Variants in COL21A1 observed in about 807,000 individuals in gnomAD.
COL21A1 encodes the protein collagen type XXI alpha 1 chain.
Under a neutral mutation model 137.9 loss-of-function variants are expected in COL21A1, and 149 were observed. The observed-to-expected ratio is 1.08, with a 90% confidence interval of 0.95 to 1.24. The LOEUF (loss-of-function observed/expected upper bound fraction) is 1.24. Ranked by LOEUF, COL21A1 falls within the 50% of genes most tolerant of loss-of-function variation. The pLI is 0.00. For missense variants in COL21A1, 1,167 were observed against 1,158.4 expected, an observed-to-expected ratio of 1.01 and a Z score of -0.11; for synonymous variants, 456 against 391.5, an observed-to-expected ratio of 1.16 and a Z score of -1.95.
chr6:56,320,063 T>G (rs1036505819), intron 1 of COL21A1, among the ~76,000 whole-genome samples: 1 of 152,168 alleles, frequency 6.6e-6, no homozygotes, highest in African/African-American at 2.4e-5. Flanking sequence ...GGATACTTAA[T>G]AAGTCTCTCA....
At chr6:56,356,000 C>T (rs1047802784) in intron 1 of COL21A1, among the ~76,000 whole-genome samples, 5 of 152,208 alleles carry the variant, frequency 3.3e-5, no homozygotes, top group African/African-American at 7.2e-5. Context: ...GAAATGGATT[C>T]GGACCTTGCT....
intron 1 of COL21A1, among the ~76,000 whole-genome samples, chr6:56,217,576 CA>C (rs1479086549): frequency 6.6e-6 from 1 of 152,082 alleles, no homozygotes; most frequent in African/African-American, 2.4e-5. Context: ...ATCTGAAGCA[CA>C]ATAAGGTTAA....
chr6:56,199,800 C>T (rs1779257232), intron 1 of COL21A1, among the ~76,000 whole-genome samples: 1 of 152,138 alleles, frequency 6.6e-6, no homozygotes, highest in Non-Finnish European at 1.5e-5. Context: ...CAACGACAAA[C>T]ATTTATTAAG....
chr6:56,248,989 A>G (rs1336221450), upstream of COL21A1, among the ~76,000 whole-genome samples: 1 of 152,214 alleles, frequency 6.6e-6, no homozygotes, highest in Non-Finnish European at 1.5e-5. Context: ...CATACCATCT[A>G]TACAATTAGA....
At chr6:56,323,185 TA>T in intron 1 of COL21A1, among the ~76,000 whole-genome samples, 1 of 152,284 alleles carries the variant, frequency 6.6e-6, no homozygotes, top group Non-Finnish European at 1.5e-5. Flanking sequence ...AAATAAATTT[TA>T]AAAAATTCTC....
intron 1 of COL21A1, among the ~76,000 whole-genome samples, chr6:56,286,204 A>G (rs1763909008): frequency 6.6e-6 from 1 of 152,238 alleles, no homozygotes; most frequent in South Asian, 2.1e-4. Context: ...GAGACCATCC[A>G]TAAAATGAAT....
At position 56,170,807 on chromosome 6, in the gene COL21A1, T is replaced by A; in HGVS notation, c.868A>T (p.Lys290Ter). The A allele has an allele frequency of 6.2e-7, 1 of 1,610,816 alleles. No individual in the cohort carries two copies. The change falls in exon 5 of 30, where the codon AAA (lysine) becomes TAA (stop). Residue 290 changes from lysine to a stop codon, truncating the protein, a stop_gained. Transcript: ENST00000244728. LOFTEE classifies it high-confidence loss of function. ...CATAAATCCCAAATTTTCTTGACTTTAAATCTTTGAGTAGACACAAATACA... is the reference window on the plus strand; with the variant it reads ...CATAAATCCCAAATTTTCTTGACTTAAAATCTTTGAGTAGACACAAATACA... Reference protein sequence around the residue: ...SYVFVSTQRFKVKKIWDLWRI... With the variant: ...SYVFVSTQRF
chr6:56,099,641 CTT>C (rs1035214606), intron 17 of COL21A1, among the ~76,000 whole-genome samples: 12 of 151,226 alleles, frequency 7.9e-5, no homozygotes, highest in Admixed American at 3.3e-4. Context: ...TCTCACCTCT[CTT>C]TGTGTTTCTT....
intron 8 of COL21A1, 111 bp from the exon 9 acceptor site, chr6:56,164,617 A>T: frequency 2.2e-6 from 2 of 917,524 alleles, no homozygotes; most frequent in Non-Finnish European, 3.3e-6. Context: ...AATATCTTAC[A>T]TTCACTTTCA....
At chr6:56,130,776 G>A (rs781318674) in intron 12 of COL21A1, among the ~76,000 whole-genome samples, 1 of 151,956 alleles carries the variant, frequency 6.6e-6, no homozygotes, top group Non-Finnish European at 1.5e-5. Context: ...AGAGAAAGAA[G>A]GAGAGAGCGA....
intron 1 of COL21A1, among the ~76,000 whole-genome samples, chr6:56,303,159 A>G (rs1246859821): frequency 6.6e-6 from 1 of 152,226 alleles, no homozygotes; most frequent in Non-Finnish European, 1.5e-5. Context: ...GAAGTCAGGT[A>G]GCGTGATGCC....
At chr6:56,163,561 T>C (rs1776346418) in intron 9 of COL21A1, among the ~76,000 whole-genome samples, 1 of 152,024 alleles carries the variant, frequency 6.6e-6, no homozygotes, top group Non-Finnish European at 1.5e-5. Context: ...TACAAAAAAT[T>C]AGCCGGGCGC....
At chr6:56,063,375 G>A (rs1036632336) in intron 24 of COL21A1, among the ~76,000 whole-genome samples, 2 of 152,052 alleles carry the variant, frequency 1.3e-5, no homozygotes, top group African/African-American at 2.4e-5. Context: ...AAGGGAAGAA[G>A]GTCCTATGGG....
At chr6:56,171,330 A>G (rs1457033850) in intron 3 of COL21A1, among the ~76,000 whole-genome samples, 1 of 151,960 alleles carries the variant, frequency 6.6e-6, no homozygotes, top group African/African-American at 2.4e-5. Context: ...TTTAAGAGTG[A>G]GATCTTAATA....
intron 1 of COL21A1, among the ~76,000 whole-genome samples, chr6:56,337,036 C>T (rs1300608775): frequency 6.6e-6 from 1 of 152,218 alleles, no homozygotes; most frequent in Non-Finnish European, 1.5e-5. Context: ...CTGCTCTTAG[C>T]TCAGACCTTA....
At chr6:56,227,033 T>C (rs925515805) in intron 1 of COL21A1, among the ~76,000 whole-genome samples, 2 of 151,896 alleles carry the variant, frequency 1.3e-5, no homozygotes, top group African/African-American at 2.4e-5. Context: ...TCAAACGAAC[T>C]AAGAGAGCAA....
intron 1 of COL21A1, among the ~76,000 whole-genome samples, chr6:56,376,843 C>T (rs9382625): frequency 0.35 from 40,972 of 118,552 alleles, 7,554 homozygotes; most frequent in East Asian, 0.67. Context: ...CCCACCCCCC[C>T]CAAACAAGGA....
intron 3 of COL21A1, among the ~76,000 whole-genome samples, chr6:56,176,612 A>AGAAG (rs1195954656): frequency 6.8e-6 from 1 of 147,444 alleles, no homozygotes; most frequent in Non-Finnish European, 1.5e-5. Context: ...AAAGAAAGAA[A>AGAAG]GAAAGAGGAA....
At chr6:56,066,180 C>G (rs1026154710) in intron 23 of COL21A1, among the ~76,000 whole-genome samples, 1 of 151,850 alleles carries the variant, frequency 6.6e-6, no homozygotes, top group African/African-American at 2.4e-5. Flanking sequence ...TTACCTCACT[C>G]CCAACTTCAA....
Sources: allele counts gnomAD v4.1 joint callset (sites outside exome capture counted in the v4.1 genomes callset), GRCh38; gene constraint gnomAD v4.1.1; transcripts MANE v1.5; gene names NCBI Gene and HGNC (gene_info 2026-07-23, HGNC 2026-07-21).